The following MECOM variants were observed in gnomAD, a reference collection of about 807,000 sequenced individuals.
The protein encoded by MECOM is histone-lysine N-methyltransferase MECOM.
Under a neutral mutation model 116.3 loss-of-function variants are expected in MECOM, and 13 were observed. That is an observed-to-expected ratio of 0.11 (90% confidence interval 0.07 to 0.18). The LOEUF is 0.18. Ranked by LOEUF, MECOM falls within the 10% of genes least tolerant of loss-of-function variation. The pLI, the probability that MECOM is intolerant of heterozygous loss-of-function variation, is 1.00. For synonymous variants in MECOM, 528 were observed against 535.2 expected (o/e 0.99, Z 0.19); for missense variants, 1,299 against 1,509.0 (o/e 0.86, Z 2.31).
chr3:169,162,178 C>T (rs948141385), intron 2 of MECOM, among the ~76,000 whole-genome samples: 64 of 152,184 alleles, frequency 4.2e-4, no homozygotes, highest in Non-Finnish European at 6.9e-4. Flanking sequence ...CAGAGAATAG[C>T]TCTGGGATAT....
intron 1 of MECOM, among the ~76,000 whole-genome samples, chr3:169,558,211 A>T (rs530622023): frequency 9.9e-5 from 15 of 152,252 alleles, no homozygotes; most frequent in African/African-American, 2.6e-4. Context: ...GCTCCAATAA[A>T]CTATGACTAG....
chr3:169,498,029 G>A lies in MECOM; in HGVS notation c.38-116505C>T, dbSNP rs541165671. Among the ~76,000 whole-genome samples the A allele has an allele frequency of 9.2e-5, 14 of 152,222 alleles. 1 individual carries two copies. The highest frequency in any genetic ancestry group is 3.1e-4 in the African/African-American group (13 of 41,528). On this transcript the variant is annotated intron_variant, in intron 1 of 16. Transcript: ENST00000651503. ...CTCTAGAGTCTTAAAAACTCCTTCA[G>A]ACTTCAACTGAATATGCGCTTTATT...
At chr3:169,517,609 C>T (rs6772796) in intron 1 of MECOM, among the ~76,000 whole-genome samples, 71,939 of 151,926 alleles carry the variant, frequency 0.47, 18,557 homozygotes, top group African/African-American at 0.69. Context: ...TAAAGTTTTT[C>T]GATAATCTTA....
At chr3:169,630,707 C>G (rs1192425462) in intron 1 of MECOM, among the ~76,000 whole-genome samples, 1 of 152,194 alleles carries the variant, frequency 6.6e-6, no homozygotes, top group Non-Finnish European at 1.5e-5. Flanking sequence ...TGACATGGAA[C>G]TACAAGGCTG....
chr3:169,297,886 T>C (rs1187213229), intron 2 of MECOM, among the ~76,000 whole-genome samples: 1 of 152,222 alleles, frequency 6.6e-6, no homozygotes, highest in East Asian at 1.9e-4. Context: ...ATAAGGTCCT[T>C]GTGATTTGAT....
At chr3:169,517,768 A>T (rs1756821178) in intron 1 of MECOM, among the ~76,000 whole-genome samples, 1 of 152,224 alleles carries the variant, frequency 6.6e-6, no homozygotes, top group African/African-American at 2.4e-5. Context: ...CCATCCATTG[A>T]TTCAGTCAGG....
chr3:169,334,016 GT>G (rs1723174805), intron 2 of MECOM, among the ~76,000 whole-genome samples: 1 of 150,172 alleles, frequency 6.7e-6, no homozygotes, highest in East Asian at 2.0e-4. Flanking sequence ...CCTTCTGAGT[GT>G]TTTCTTTCTT....
At chr3:169,517,239 A>T (rs181090126) in intron 1 of MECOM, among the ~76,000 whole-genome samples, 3 of 152,278 alleles carry the variant, frequency 2.0e-5, no homozygotes, top group Admixed American at 2.0e-4. Context: ...CTTCCAGATG[A>T]GCTTTTTGGC....
In MECOM at chr3:169,610,640, T is replaced by G. The variant is rs564657865; in HGVS notation, c.37+52696A>C. On this transcript the variant is annotated intron_variant, in intron 1 of 16. Coordinates refer to ENST00000651503, the MANE Select transcript of MECOM (RefSeq NM_004991.4). ...ATATTTCTGGACACCAGAAACATATTTGCTGTGTACATGTGCATAAGAGGG... is the reference window on the plus strand; with the variant it reads ...ATATTTCTGGACACCAGAAACATATGTGCTGTGTACATGTGCATAAGAGGG... 5.3e-4 allele frequency among the ~76,000 whole-genome samples: 80 copies of G among 152,260 alleles called. 2 individuals are homozygous for G. The highest frequency in any genetic ancestry group is 5.8e-4 in the East Asian group (3 of 5,186).
At chr3:169,536,654 C>A (rs935196830) in intron 1 of MECOM, among the ~76,000 whole-genome samples, 1 of 152,106 alleles carries the variant, frequency 6.6e-6, no homozygotes, top group Non-Finnish European at 1.5e-5. Flanking sequence ...AGGGGAAAAT[C>A]CACACTCAAG....
intron 2 of MECOM, among the ~76,000 whole-genome samples, chr3:169,318,653 C>T (rs1720225643): frequency 6.6e-6 from 1 of 152,138 alleles, no homozygotes; most frequent in Non-Finnish European, 1.5e-5. Context: ...AATAGGAATG[C>T]TTTTACACTG....
At chr3:169,558,880 C>T (rs964916349) in intron 1 of MECOM, among the ~76,000 whole-genome samples, 1 of 152,104 alleles carries the variant, frequency 6.6e-6, no homozygotes, top group Non-Finnish European at 1.5e-5. Context: ...TAGATTCCCT[C>T]TCAACCCCAG....
intron 2 of MECOM, among the ~76,000 whole-genome samples, chr3:169,157,092 A>G (rs1742112390): frequency 6.6e-6 from 1 of 152,200 alleles, no homozygotes; most frequent in Admixed American, 6.5e-5. Context: ...GCGACCACAC[A>G]GTCTTCTCTG....
At chr3:169,284,758 G>A (rs1712920203) in intron 2 of MECOM, among the ~76,000 whole-genome samples, 1 of 152,100 alleles carries the variant, frequency 6.6e-6, no homozygotes, top group Admixed American at 6.6e-5. Context: ...CCATCACTAG[G>A]AGTCAAAGGT....
intron 1 of MECOM, among the ~76,000 whole-genome samples, chr3:169,640,833 G>T (rs1480325044): frequency 6.6e-6 from 1 of 152,160 alleles, no homozygotes; most frequent in Non-Finnish European, 1.5e-5. Context: ...AGAGAGACAG[G>T]CTCTGAACTC....
At position 169,309,733 on chromosome 3, in the gene MECOM, A is replaced by G. The variant is rs4580603; in HGVS notation, c.375+71454T>C. ...TTGTTGAAGCATCACGGTGTAAGAGATAAAGCACTAACTGGAGAGTCAGGA... is the reference window on the plus strand; with the variant it reads ...TTGTTGAAGCATCACGGTGTAAGAGGTAAAGCACTAACTGGAGAGTCAGGA... On this transcript the variant is annotated intron_variant, in intron 2 of 16. Coordinates refer to ENST00000651503, the MANE Select transcript of MECOM (RefSeq NM_004991.4). Among the ~76,000 whole-genome samples, 913 of 152,342 alleles carry G rather than the reference A, an allele frequency of 6.0e-3. 8 individuals carry two copies. The highest frequency in any genetic ancestry group is 0.021 in the African/African-American group (890 of 41,578).
chr3:169,378,489 GAAAGAAAGAAAGAAAGAAAGAAAGAAA>G (rs1560197464), intron 2 of MECOM, among the ~76,000 whole-genome samples: 9 of 30,258 alleles, frequency 3.0e-4, no homozygotes, highest in Admixed American at 1.8e-3. Flanking sequence ...AAGAGAGAGA[GAAAGAAAGAAAGAAAGAAAGAAAGAAA>G]AGAAAGAAAG....
intron 1 of MECOM, among the ~76,000 whole-genome samples, chr3:169,656,632 T>C (rs983715458): frequency 3.3e-5 from 5 of 152,228 alleles, no homozygotes; most frequent in Non-Finnish European, 7.3e-5. Flanking sequence ...ACTGAGGTCA[T>C]TGTAATCTAT....
chr3:169,599,375 G>A (rs972022180), intron 1 of MECOM, among the ~76,000 whole-genome samples: 5 of 152,028 alleles, frequency 3.3e-5, no homozygotes, highest in Non-Finnish European at 5.9e-5. Flanking sequence ...TCAGCTGGGC[G>A]TGGTGGCGCA....
Sources: allele counts gnomAD v4.1 joint callset (sites outside exome capture counted in the v4.1 genomes callset), GRCh38; gene constraint gnomAD v4.1.1; transcripts MANE v1.5; gene names NCBI Gene and HGNC (gene_info 2026-07-23, HGNC 2026-07-21).